Variants in STAB1 observed in about 807,000 individuals in gnomAD.
The protein encoded by STAB1 is stabilin 1.
STAB1 carries 250 observed loss-of-function variants against 332.4 expected under a neutral mutation model. The ratio of observed to expected loss-of-function variants is 0.75; its 90% CI spans 0.68 to 0.84. The LOEUF is 0.84. Among genes scored for constraint, STAB1 ranks in the 40% least tolerant of loss-of-function variants. The pLI, the probability that STAB1 is intolerant of heterozygous loss-of-function variation, is 0.00. For missense variants in STAB1, 3,249 were observed against 3,489.7 expected (o/e 0.93, Z 1.74); for synonymous variants, 1,475 against 1,390.4 (o/e 1.06, Z -1.35).
chr3:52,520,199 C>T lies in STAB1; in HGVS notation c.5413-5C>T, dbSNP rs963496338. ...CCACCTCCAACCATGACTCCACTTG[C>T]TCAGGCCTTGGCATCTGACCTGCCC... On this transcript the variant is annotated splice_polypyrimidine_tract_variant and splice_region_variant and intron_variant, in intron 51 of 68. Transcript: ENST00000321725. 1 of 1,613,202 alleles carries T rather than the reference C, an allele frequency of 6.2e-7. No homozygotes were observed. The highest frequency in any genetic ancestry group is 8.5e-7 in the Non-Finnish European group (1 of 1,180,018).
intron 41 of STAB1, 61 bp from the exon 42 acceptor site, chr3:52,516,923 C>G (rs2078886943): frequency 1.8e-5 from 29 of 1,606,034 alleles, no homozygotes; most frequent in Non-Finnish European, 2.3e-5. Flanking sequence ...ACGCCCTCCT[C>G]TCCTGTCCTG....
intron 1 of STAB1, among the ~76,000 whole-genome samples, chr3:52,495,749 A>C (rs1181333463): frequency 6.6e-6 from 1 of 152,212 alleles, no homozygotes; most frequent in Admixed American, 6.5e-5. Flanking sequence ...CCCAGCGTGC[A>C]GCTGAAGTGT....
At chr3:52,515,241 G>A (rs751751120) in intron 36 of STAB1, among the ~76,000 whole-genome samples, 182 bp from the exon 37 acceptor site, 4 of 152,124 alleles carry the variant, frequency 2.6e-5, no homozygotes, top group Non-Finnish European at 2.9e-5. Flanking sequence ...TCAGACTTGC[G>A]GCCCGAGGCT....
At chr3:52,501,052 C>T (rs887031686) in intron 1 of STAB1, 114 bp from the exon 2 acceptor site, 5 of 1,451,702 alleles carry the variant, frequency 3.4e-6, no homozygotes, top group East Asian at 2.3e-5. Context: ...ACTCTGACCC[C>T]TGAGCAGATG....
At chr3:52,519,004 G>A in intron 48 of STAB1, 135 bp downstream of exon 48, 1 of 1,171,008 alleles carries the variant, frequency 8.5e-7, no homozygotes, top group Non-Finnish European at 1.2e-6. Context: ...GCTGAGTCCA[G>A]CCCGGGACTC....
intron 54 of STAB1, 33 bp downstream of exon 54, chr3:52,520,731 G>A (rs375656984): frequency 8.1e-6 from 13 of 1,611,566 alleles, no homozygotes; most frequent in South Asian, 4.4e-5. Flanking sequence ...GGGGTGGTGG[G>A]GTGGGGGCAG....
At chr3:52,501,934 T>TGGCCAGAGCTGCTGGGGTC in intron 3 of STAB1, 72 bp from the exon 4 acceptor site, 1 of 1,576,792 alleles carries the variant, frequency 6.3e-7, no homozygotes, top group Non-Finnish European at 8.7e-7. Flanking sequence ...AGTCTGGGGT[T>TGGCCAGAGCTGCTGGGGTC]GGCCAGAGCT....
chr3:52,504,693 AGGACTG>A (rs1708714778), intron 11 of STAB1, 40 bp from the exon 12 acceptor site: 1 of 1,613,264 alleles, frequency 6.2e-7, no homozygotes, highest in Non-Finnish European at 8.5e-7. Context: ...TGGTGTGAAG[AGGACTG>A]GCCCCCCGGC....
At position 52,505,664 on chromosome 3, in the gene STAB1, A is replaced by G. The variant is rs1048446594; in HGVS notation, c.1582-4A>G. ...CCCCCTGAGCCTCCCTTGCACCACC[A>G]CAGAACTGTGGGCTGCCCTCCATCC... On this transcript the variant is annotated splice_polypyrimidine_tract_variant and splice_region_variant and intron_variant, in intron 14 of 68. Transcript: ENST00000321725. 3.5e-5 allele frequency: 57 copies of G among 1,613,088 alleles called. No homozygotes were observed. Among genetic ancestry groups the G allele is most frequent in the Non-Finnish European group, 4.4e-5 (52 of 1,179,978 alleles).
At chr3:52,503,629 G>A (rs112086918) in intron 8 of STAB1, 89 bp downstream of exon 8, 1 of 1,563,896 alleles carries the variant, frequency 6.4e-7, no homozygotes, top group African/African-American at 1.4e-5. Flanking sequence ...CCTTCTGGTA[G>A]CCTCAGTTTC....
Position 52,524,449 on chromosome 3 carries a change from T to A in STAB1, c.*93T>A. On this transcript the variant is annotated 3_prime_UTR_variant, in exon 69 of 69. Coordinates refer to ENST00000321725, the MANE Select transcript of STAB1 (RefSeq NM_015136.3). ...TGGGGCAGGAGGGGCTGAGGGCCTGTCCCAGACAATAAAGGTGCCCTCAGC... is the reference window on the plus strand; with the variant it reads ...TGGGGCAGGAGGGGCTGAGGGCCTGACCCAGACAATAAAGGTGCCCTCAGC... 6.2e-7 allele frequency: 1 copy of A among 1,612,534 alleles called. No homozygotes were observed. Among genetic ancestry groups the A allele is most frequent in the Non-Finnish European group, 8.5e-7 (1 of 1,179,802 alleles).
chr3:52,502,996 C>G lies in STAB1; in HGVS notation c.584-3C>G, dbSNP rs976925812. On this transcript the variant is annotated splice_region_variant and splice_polypyrimidine_tract_variant and intron_variant, in intron 6 of 68. Coordinates refer to ENST00000321725, the MANE Select transcript of STAB1 (RefSeq NM_015136.3). ...TCATCAGTGCTCTCTCCACTCTGCG[C>G]AGAGCTGCCCGTCTGCCAGGAGCTG... 5.7e-6 allele frequency: 9 copies of G among 1,569,294 alleles called. No homozygotes were observed. In the Admixed American group the frequency reaches 9.1e-5, roughly 16 times the overall value.
In STAB1 at chr3:52,502,165, T is replaced by A; in HGVS notation, c.424T>A (p.Phe142Ile). Residue 142 changes from phenylalanine (F) to isoleucine (I), a missense_variant, in exon 5 of 69, where the codon TTC becomes ATC. By Grantham distance (21) the Phe-to-Ile change is conservative. Transcript: ENST00000321725. The part of the protein sequence containing the change: ...RNGTCVCQEN[F>I]RGSACQECQD... Reference sequence around the variant, plus strand: ...TTGGTGCATCCACCACCAGGAAAACTTCCGCGGCTCAGCCTGCCAGGAGTG... The same window carrying A: ...TTGGTGCATCCACCACCAGGAAAACATCCGCGGCTCAGCCTGCCAGGAGTG... 6.2e-7 allele frequency: 1 copy of A among 1,613,464 alleles called. No homozygotes were observed. The highest frequency in any genetic ancestry group is 8.5e-7 in the Non-Finnish European group (1 of 1,179,994).
chr3:52,514,442 C>A lies in STAB1; in HGVS notation c.3624C>A (p.Arg1208=), dbSNP rs1270640215. ...AAACCCTGCGGAAGGGTGGACACCG[C>A]AACTCCCTCCTGGGCCCTGCCCACT... is the stretch of plus-strand genomic sequence containing the variant. ...SMETLRKGGH[R]NSLLGPAHWI... Residue 1208 remains arginine, a synonymous_variant, in exon 34 of 69, where the codon CGC becomes CGA. Coordinates refer to ENST00000321725, the MANE Select transcript of STAB1 (RefSeq NM_015136.3). The A allele has an allele frequency of 1.3e-6, 2 of 1,554,484 alleles. No homozygotes were observed. The highest frequency in any genetic ancestry group is 1.7e-6 in the Non-Finnish European group (2 of 1,150,098).
Position 52,519,935 on chromosome 3 carries a change from C to T in STAB1, c.5236-9C>T. On this transcript the variant is annotated splice_polypyrimidine_tract_variant and intron_variant, in intron 50 of 68. Coordinates refer to ENST00000321725, the MANE Select transcript of STAB1 (RefSeq NM_015136.3). ...CAGCGACTGCCACATCTTTGCTGCA[C>T]CCCACCAGGTGGCCGGCCTCCTGCC... 6.4e-7 allele frequency: 1 copy of T among 1,564,718 alleles called. No individual in the cohort carries two copies. The highest frequency in any genetic ancestry group is 8.6e-7 in the Non-Finnish European group (1 of 1,156,526).
At chr3:52,504,635 G>A (rs1708709747) in intron 11 of STAB1, 86 bp downstream of exon 11, 1 of 1,611,724 alleles carries the variant, frequency 6.2e-7, no homozygotes, top group East Asian at 2.2e-5. Context: ...CACCTGGAAG[G>A]CATCAGGGCC....
intron 64 of STAB1, 23 bp from the exon 65 acceptor site, chr3:52,523,404 A>G (rs1344487952): frequency 6.2e-7 from 1 of 1,609,786 alleles, no homozygotes. Flanking sequence ...GGCCCAGGCC[A>G]ACAGGCCTTG....
At chr3:52,514,893 C>T (rs1252863480) in intron 35 of STAB1, 64 bp downstream of exon 35, 4 of 1,612,580 alleles carry the variant, frequency 2.5e-6, no homozygotes, top group Non-Finnish European at 3.4e-6. Context: ...CCTAGCTGAC[C>T]TGACTAGTGG....
intron 35 of STAB1, 47 bp downstream of exon 35, chr3:52,514,876 G>C (rs756032396): frequency 1.2e-6 from 2 of 1,612,872 alleles, no homozygotes; most frequent in Non-Finnish European, 1.7e-6. Context: ...GTTCAGAGCT[G>C]GGAGGGCCTA....
Sources: allele counts gnomAD v4.1 joint callset (sites outside exome capture counted in the v4.1 genomes callset), GRCh38; gene constraint gnomAD v4.1.1; transcripts MANE v1.5; gene names NCBI Gene and HGNC (gene_info 2026-07-23, HGNC 2026-07-21).